The following TIAL1 variants were observed in gnomAD, a reference collection of about 807,000 sequenced individuals.
The protein encoded by TIAL1 is nucleolysin TIAR.
In TIAL1, 7 loss-of-function variants were observed where a neutral mutation model predicts 59.7. That is an observed-to-expected ratio of 0.12 (90% confidence interval 0.07 to 0.22). The LOEUF is 0.22. TIAL1 is among the 10% of genes least tolerant of loss of function. The pLI is 1.00. For synonymous variants in TIAL1, 149 were observed against 146.3 expected (o/e 1.02, Z -0.13); for missense variants, 225 against 462.5 (o/e 0.49, Z 4.71).
At chr10:119,590,479 T>C (rs1357348413) in intron 1 of TIAL1, among the ~76,000 whole-genome samples, 1 of 151,952 alleles carries the variant, frequency 6.6e-6, no homozygotes. Flanking sequence ...TGGGAGGCTA[T>C]GGCAGGCGGA....
Position 119,582,477 on chromosome 10 carries a change from C to T in TIAL1, c.210G>A (p.Gly70=). 1 of 1,601,056 alleles carries T rather than the reference C, an allele frequency of 6.2e-7. No individual in the cohort carries two copies. The change falls in exon 3 of 12, where the codon GGG becomes GGA. Residue 70 remains glycine, a synonymous_variant. Transcript: ENST00000436547. The surrounding 1 kb of genome is among the most constrained non-coding windows in gnomAD (Gnocchi z 5.1). ...DAAAALAAMN[G]RKILGKEVKV... ...ATCTTACCTTTCCCAAAATTTTTCT[C>T]CCATTCATAGCAGCTAATGCAGCAG...
intron 1 of TIAL1, chr10:119,593,365 A>T: frequency 1.9e-6 from 1 of 528,356 alleles, no homozygotes; most frequent in Non-Finnish European, 2.4e-6. Flanking sequence ...ATAGAAATTT[A>T]GGCTCAACAT....
At chr10:119,586,948 A>G (rs1845596206) in intron 2 of TIAL1, among the ~76,000 whole-genome samples, 1 of 152,092 alleles carries the variant, frequency 6.6e-6, no homozygotes, top group African/African-American at 2.4e-5. Context: ...TGCTTGGGAA[A>G]CTCATTTGGC....
intron 2 of TIAL1, among the ~76,000 whole-genome samples, chr10:119,583,577 G>T (rs1845400152): frequency 6.6e-6 from 1 of 152,104 alleles, no homozygotes; most frequent in Admixed American, 6.5e-5. Flanking sequence ...TGCCCTATAA[G>T]AATAATATTT....
At chr10:119,590,794 AAG>A (rs1484207236) in intron 1 of TIAL1, among the ~76,000 whole-genome samples, 2 of 147,068 alleles carry the variant, frequency 1.4e-5, no homozygotes, top group Non-Finnish European at 3.0e-5. Flanking sequence ...GAAAGAAAGA[AAG>A]AAAGAAAGAA....
chr10:119,596,529 G>A lies in TIAL1; in HGVS notation c.-64C>T. 2 of 637,586 alleles carry A rather than the reference G, an allele frequency of 3.1e-6. No individual in the cohort carries two copies. Among genetic ancestry groups the A allele is most frequent in the Admixed American group, 2.5e-5 (1 of 39,750 alleles). 39.5% of individuals were successfully genotyped at this position (637,586 alleles called of 1,614,324 possible). On this transcript the variant is annotated 5_prime_UTR_variant, in exon 1 of 12. Coordinates refer to ENST00000436547, the MANE Select transcript of TIAL1 (RefSeq NM_003252.4). ...GCAGGGTTGGGGAGGGGAGGGGGTG[G>A]GGAGGAAGGGGAGGGGGGCTCTGGG...
At chr10:119,580,191 G>A in intron 5 of TIAL1, 181 bp from the exon 6 acceptor site, 1 of 499,856 alleles carries the variant, frequency 2.0e-6, no homozygotes, top group South Asian at 4.4e-5. Context: ...AAAAGCAGTA[G>A]GACAAAAACA....
chr10:119,577,573 T>A (rs371163732), intron 8 of TIAL1, 38 bp from the exon 9 acceptor site: 2 of 1,607,922 alleles, frequency 1.2e-6, no homozygotes, highest in African/African-American at 2.7e-5. Flanking sequence ...ATGGCTGATG[T>A]GTATCATGAA....
rs186775941 is a variant in TIAL1 at position 119,574,427 on chromosome 10, T to C, written c.*1238A>G. On this transcript the variant is annotated 3_prime_UTR_variant, in exon 12 of 12. Transcript: ENST00000436547. ...ATTGAAGTGTCTAAATAAGATGTTT[T>C]TAGCAATCTTGTTAAAAAAATTCTT... 2.4e-3 allele frequency: 367 copies of C among 152,394 alleles called. 1 individual carries two copies. Among genetic ancestry groups the C allele is most frequent in the African/African-American group, 8.5e-3 (354 of 41,538 alleles). The allele number at this position is 152,394 out of a possible 1,614,324, so 9.4% of individuals were successfully genotyped here.
intron 1 of TIAL1, among the ~76,000 whole-genome samples, chr10:119,593,055 G>A (rs368712412): frequency 1.3e-5 from 2 of 152,112 alleles, no homozygotes; most frequent in Non-Finnish European, 2.9e-5. Flanking sequence ...TGGTGCATCC[G>A]ATAGATGAAG....
intron 5 of TIAL1, among the ~76,000 whole-genome samples, chr10:119,581,446 A>G (rs1302684813): frequency 6.6e-6 from 1 of 152,052 alleles, no homozygotes; most frequent in Non-Finnish European, 1.5e-5. Flanking sequence ...CATTTATCAT[A>G]ATAAAACATG....
At chr10:119,578,919 G>T in intron 6 of TIAL1, 85 bp from the exon 7 acceptor site, 2 of 997,434 alleles carry the variant, frequency 2.0e-6, no homozygotes, top group Non-Finnish European at 1.6e-6. Flanking sequence ...CGGCGCTGCT[G>T]GTTCCATACA....
intron 1 of TIAL1, among the ~76,000 whole-genome samples, chr10:119,591,809 C>T (rs1009579228): frequency 2.0e-5 from 3 of 152,274 alleles, no homozygotes; most frequent in Non-Finnish European, 2.9e-5. Flanking sequence ...TTTCAGATTG[C>T]CTCTTCATTT....
chr10:119,590,175 CCTAA>C (rs1175969216), intron 1 of TIAL1, among the ~76,000 whole-genome samples: 1 of 152,178 alleles, frequency 6.6e-6, no homozygotes, highest in Non-Finnish European at 1.5e-5. Context: ...TCCAATATTA[CCTAA>C]CTAGAGGACT....
chr10:119,577,587 C>CAT, intron 8 of TIAL1, 52 bp from the exon 9 acceptor site: 1 of 1,607,478 alleles, frequency 6.2e-7, no homozygotes, highest in Admixed American at 1.7e-5. Flanking sequence ...TCATGAAATT[C>CAT]ATATGAACAG....
chr10:119,581,622 C>T, intron 5 of TIAL1: 1 of 222,954 alleles, frequency 4.5e-6, no homozygotes, highest in East Asian at 9.7e-5. Context: ...TGACAAAAAG[C>T]TAGACTTTAT....
At chr10:119,576,171 T>A (rs1589858986) in intron 11 of TIAL1, among the ~76,000 whole-genome samples, 1 of 125,016 alleles carries the variant, frequency 8.0e-6, no homozygotes, top group Non-Finnish European at 1.7e-5. Context: ...GCAGGGGAAT[T>A]ACAAAGGAGG....
intron 2 of TIAL1, among the ~76,000 whole-genome samples, chr10:119,583,314 A>C (rs1245373266): frequency 6.6e-6 from 1 of 152,192 alleles, no homozygotes; most frequent in Admixed American, 6.5e-5. Context: ...ATAAGTTTAC[A>C]TCATAAGAAC....
chr10:119,588,352 T>TTTC (rs1845678677), intron 1 of TIAL1, 104 bp from the exon 2 acceptor site: 1 of 374,802 alleles, frequency 2.7e-6, no homozygotes, highest in Non-Finnish European at 4.4e-6. Flanking sequence ...TCTTTCTTTC[T>TTTC]TTTTTTTTTA....
Sources: gnomAD v4.1 joint callset for allele counts (sites outside exome capture counted in the v4.1 genomes callset) on GRCh38, gnomAD v4.1.1 for gene constraint, Gnocchi (gnomAD v3.1) non-coding constraint, MANE v1.5 for transcripts, NCBI Gene and HGNC (gene_info 2026-07-23, HGNC 2026-07-21) for gene names.